CACNA2D3: variants seen among roughly 807,000 people sequenced by gnomAD.
CACNA2D3 encodes calcium voltage-gated channel auxiliary subunit alpha2delta 3, also known as voltage-dependent calcium channel subunit alpha-2/delta-3.
CACNA2D3 carries 60 observed loss-of-function variants against 160.6 expected under a neutral mutation model. The ratio of observed to expected loss-of-function variants is 0.37; its 90% CI spans 0.30 to 0.46. The LOEUF is 0.46. Ranked by LOEUF, CACNA2D3 falls within the 20% of genes least tolerant of loss-of-function variation. The pLI is 1.00. For missense variants in CACNA2D3, 1,205 were observed against 1,365.0 expected (o/e 0.88, Z 1.85); for synonymous variants, 558 against 492.9 (o/e 1.13, Z -1.75).
At chr3:54,350,982 G>GTTTTTTTTTTTTT (rs1491034355) in intron 3 of CACNA2D3, among the ~76,000 whole-genome samples, 5 of 61,800 alleles carry the variant, frequency 8.1e-5, no homozygotes, top group African/African-American at 2.6e-4. Flanking sequence ...TTTTTTTTTT[G>GTTTTTTTTTTTTT]TTTGTTTTTT....
chr3:54,408,619 T>C (rs574330019), intron 4 of CACNA2D3, among the ~76,000 whole-genome samples: 2 of 152,298 alleles, frequency 1.3e-5, no homozygotes, highest in African/African-American at 4.8e-5. Flanking sequence ...CAAAACCTAC[T>C]GTTCTGCCAT....
At chr3:54,331,205 T>C (rs959536686) in intron 3 of CACNA2D3, among the ~76,000 whole-genome samples, 1 of 152,164 alleles carries the variant, frequency 6.6e-6, no homozygotes, top group Non-Finnish European at 1.5e-5. Context: ...TATAAAAATA[T>C]GTAGTGATAT....
chr3:55,073,008 G>A (rs1252961263), intron 35 of CACNA2D3, among the ~76,000 whole-genome samples: 1 of 152,202 alleles, frequency 6.6e-6, no homozygotes, highest in Non-Finnish European at 1.5e-5. Flanking sequence ...TTTGCCATTG[G>A]TATGACATAG....
chr3:54,857,371 G>T (rs1431473660), intron 17 of CACNA2D3, among the ~76,000 whole-genome samples: 1 of 152,184 alleles, frequency 6.6e-6, no homozygotes, highest in Non-Finnish European at 1.5e-5. Flanking sequence ...ATACCTGACA[G>T]CAGCTAGGTG....
intron 35 of CACNA2D3, among the ~76,000 whole-genome samples, chr3:55,055,396 A>G (rs560862401): frequency 2.6e-5 from 4 of 151,998 alleles, no homozygotes; most frequent in Non-Finnish European, 4.4e-5. Context: ...ATTCTGTTCC[A>G]TTAATAGATG....
In CACNA2D3 at chr3:54,984,951, A is replaced by C. The variant is rs147650231; in HGVS notation, c.2619+281A>C. ...TGTTCAATTTATAGAACTCTTAGCC[A>C]AAGAGTTGTCTGTGCCACATAAAGA... On this transcript the variant is annotated intron_variant, in intron 30 of 37. Transcript: ENST00000474759. Among the ~76,000 whole-genome samples, 695 of 152,296 alleles carry C rather than the reference A, an allele frequency of 4.6e-3. 1 individual carries two copies. Among genetic ancestry groups the C allele is most frequent in the African/African-American group, 0.016 (663 of 41,566 alleles).
At chr3:54,684,800 T>C (rs905177774) in intron 11 of CACNA2D3, among the ~76,000 whole-genome samples, 19 of 152,120 alleles carry the variant, frequency 1.2e-4, no homozygotes, top group African/African-American at 3.9e-4. Context: ...GAACACAAAT[T>C]GTGAGAGCAG....
intron 5 of CACNA2D3, among the ~76,000 whole-genome samples, chr3:54,538,723 A>T (rs1187625091): frequency 6.6e-6 from 1 of 152,168 alleles, no homozygotes; most frequent in African/African-American, 2.4e-5. Context: ...CCTGGTGCAA[A>T]GATGCGGAGA....
intron 2 of CACNA2D3, 148 bp downstream of exon 2, chr3:54,123,742 A>G: frequency 1.5e-6 from 1 of 682,076 alleles, no homozygotes; most frequent in African/African-American, 1.8e-5. Context: ...TGTACTATGC[A>G]GTGACTTCTT....
rs371580687 is a variant in CACNA2D3 at position 54,628,100 on chromosome 3, C to T, written c.1053+224C>T. Among the ~76,000 whole-genome samples the T allele has an allele frequency of 3.3e-5, 5 of 152,064 alleles. No homozygotes were observed. In the East Asian group the frequency reaches 9.6e-4, roughly 29 times the overall value. ...ACAAAAAATTAGCCAGGCATGGTGG[C>T]GGGTGCCTGTAGTCCCAGCTACTCG... On this transcript the variant is annotated intron_variant, in intron 10 of 37. Coordinates refer to ENST00000474759, the MANE Select transcript of CACNA2D3 (RefSeq NM_018398.3).
At chr3:54,682,813 A>G (rs1228844317) in intron 11 of CACNA2D3, among the ~76,000 whole-genome samples, 2 of 152,108 alleles carry the variant, frequency 1.3e-5, no homozygotes, top group African/African-American at 4.8e-5. Context: ...GCTTGGGCTG[A>G]GCACTGCTTG....
intron 35 of CACNA2D3, among the ~76,000 whole-genome samples, chr3:55,045,710 C>A (rs1449175264): frequency 6.6e-6 from 1 of 152,042 alleles, no homozygotes; most frequent in African/African-American, 2.4e-5. Flanking sequence ...CCTTATTGCT[C>A]TTTTAGTGTC....
At chr3:54,651,165 A>G (rs1038663842) in intron 11 of CACNA2D3, among the ~76,000 whole-genome samples, 1 of 152,182 alleles carries the variant, frequency 6.6e-6, no homozygotes, top group Admixed American at 6.5e-5. Context: ...ATACATTGTC[A>G]TCGGGACAGT....
chr3:54,789,761 T>C (rs2106643364), intron 13 of CACNA2D3: 4 of 467,602 alleles, frequency 8.6e-6, no homozygotes, highest in Non-Finnish European at 1.7e-5. Context: ...TAAACCAAAA[T>C]TTAGATTTTG....
chr3:54,621,282 A>G (rs1698982882), intron 9 of CACNA2D3, among the ~76,000 whole-genome samples: 1 of 152,244 alleles, frequency 6.6e-6, no homozygotes, highest in South Asian at 2.1e-4. Context: ...TGATTCAACT[A>G]AACTGAATAC....
chr3:54,590,378 A>T (rs1283187877), intron 9 of CACNA2D3, among the ~76,000 whole-genome samples: 3 of 152,188 alleles, frequency 2.0e-5, no homozygotes, highest in African/African-American at 7.2e-5. Flanking sequence ...TGAAATGACA[A>T]GTTTAATAGA....
At chr3:54,936,530 G>T (rs909776164) in intron 27 of CACNA2D3, among the ~76,000 whole-genome samples, 1 of 152,186 alleles carries the variant, frequency 6.6e-6, no homozygotes, top group African/African-American at 2.4e-5. Context: ...CCTTGACTTT[G>T]CTGCAGCCTC....
chr3:54,951,851 AT>A (rs1202881486), intron 27 of CACNA2D3, among the ~76,000 whole-genome samples: 1 of 152,106 alleles, frequency 6.6e-6, no homozygotes, highest in Non-Finnish European at 1.5e-5. Context: ...CATGCTTGTT[AT>A]TTTATTTTAA....
At chr3:55,044,327 A>C (rs1704027127) in intron 35 of CACNA2D3, among the ~76,000 whole-genome samples, 1 of 152,124 alleles carries the variant, frequency 6.6e-6, no homozygotes, top group African/African-American at 2.4e-5. Context: ...CCAGTTTTTA[A>C]AACGTTATAC....
Sources: gnomAD v4.1 joint callset for allele counts (sites outside exome capture counted in the v4.1 genomes callset) on GRCh38, gnomAD v4.1.1 for gene constraint, MANE v1.5 for transcripts, NCBI Gene and HGNC (gene_info 2026-07-23, HGNC 2026-07-21) for gene names.